Variants in COL14A1 observed in about 807,000 individuals in gnomAD.
COL14A1 encodes the protein collagen alpha-1(XIV) chain.
A neutral mutation model predicts 230.3 loss-of-function variants in COL14A1; 136 were observed. The ratio of observed to expected loss-of-function variants is 0.59; its 90% CI spans 0.51 to 0.68. The LOEUF is 0.68. COL14A1 is among the 30% of genes least tolerant of loss of function. COL14A1 has a pLI of 0.00. For missense variants in COL14A1, 1,976 were observed against 2,215.8 expected, an observed-to-expected ratio of 0.89 and a Z score of 2.17; for synonymous variants, 792 against 784.1, an observed-to-expected ratio of 1.01 and a Z score of -0.17.
intron 4 of COL14A1, among the ~76,000 whole-genome samples, chr8:120,163,159 G>A (rs1815741526): frequency 1.3e-5 from 2 of 152,162 alleles, no homozygotes; most frequent in Admixed American, 6.5e-5. Flanking sequence ...TTAATCAGTT[G>A]ACACAGGGAC....
chr8:120,245,957 T>G (rs1026850310), intron 20 of COL14A1, among the ~76,000 whole-genome samples: 1 of 152,154 alleles, frequency 6.6e-6, no homozygotes, highest in African/African-American at 2.4e-5. Flanking sequence ...CAGATCCAAA[T>G]AAACAGTCAT....
At chr8:120,225,789 T>C (rs1818076168) in intron 15 of COL14A1, among the ~76,000 whole-genome samples, 1 of 152,216 alleles carries the variant, frequency 6.6e-6, no homozygotes, top group African/African-American at 2.4e-5. Context: ...TTCTATTATT[T>C]GCTTTCTGAA....
chr8:120,203,642 C>T, intron 8 of COL14A1, 67 bp from the exon 9 acceptor site: 1 of 1,507,798 alleles, frequency 6.6e-7, no homozygotes, highest in Admixed American at 1.7e-5. Context: ...TCAGATCAGG[C>T]CCACCGCAGT....
Position 120,278,545 on chromosome 8 carries a change from G to A in COL14A1, c.3448G>A (p.Val1150Met). The A allele has an allele frequency of 1.9e-6, 3 of 1,612,950 alleles. No homozygotes were observed. Among genetic ancestry groups the A allele is most frequent in the South Asian group, 1.1e-5 (1 of 90,978 alleles). The change falls in exon 28 of 48, where the codon GTG becomes ATG. Residue 1150 changes from valine to methionine, a missense_variant. By Grantham distance (21) the Val-to-Met change is conservative (BLOSUM62 1). Around this residue, in one of 3 missense-constraint regions of COL14A1, gnomAD observed 1,791 missense variants for 2,019.5 expected, o/e 0.89. Transcript: ENST00000297848. The part of the protein sequence containing the change: ...VITDGRSQDD[V>M]NKISREMQLD... ...AACTGATGGAAGATCACAAGATGAT[G>A]TGAACAAAATCTCCAGGGAGATGCA... is the stretch of plus-strand genomic sequence containing the variant.
chr8:120,281,830 A>C (rs1185187302), intron 31 of COL14A1, among the ~76,000 whole-genome samples: 1 of 152,196 alleles, frequency 6.6e-6, no homozygotes, highest in Non-Finnish European at 1.5e-5. Flanking sequence ...TGATAGTGCT[A>C]TATGGTTCAA....
chr8:120,234,975 C>G (rs538746216), intron 19 of COL14A1, among the ~76,000 whole-genome samples: 10 of 152,226 alleles, frequency 6.6e-5, no homozygotes, highest in African/African-American at 2.4e-4. Flanking sequence ...CTATTAATTA[C>G]TGCCTCAATT....
intron 8 of COL14A1, among the ~76,000 whole-genome samples, chr8:120,200,715 T>TTTTA (rs1817211602): frequency 3.5e-5 from 3 of 85,776 alleles, no homozygotes; most frequent in South Asian, 4.4e-4. Flanking sequence ...GTTTTCCTAT[T>TTTTA]TATATATATA....
At chr8:120,282,445 A>G (rs1820068191) in intron 31 of COL14A1, among the ~76,000 whole-genome samples, 1 of 152,194 alleles carries the variant, frequency 6.6e-6, no homozygotes, top group Admixed American at 6.5e-5. Flanking sequence ...AAAATTTTCC[A>G]TCACAGGACC....
intron 39 of COL14A1, 24 bp downstream of exon 39, chr8:120,315,610 T>C: frequency 6.3e-7 from 1 of 1,597,772 alleles, no homozygotes; most frequent in Non-Finnish European, 8.6e-7. Flanking sequence ...TTTTTAAGTC[T>C]ATTGCTCTCA....
At chr8:120,313,831 T>C (rs1821120957) in intron 37 of COL14A1, 101 bp from the exon 38 acceptor site, 1 of 729,752 alleles carries the variant, frequency 1.4e-6, no homozygotes, top group South Asian at 2.1e-5. Flanking sequence ...TAAGAAAAAC[T>C]ATATAAGAAA....
chr8:120,137,170 A>G (rs1327174303), intron 1 of COL14A1, among the ~76,000 whole-genome samples: 2 of 151,892 alleles, frequency 1.3e-5, no homozygotes, highest in African/African-American at 4.8e-5. Flanking sequence ...TGGGTTTTCT[A>G]TTTCTTCATG....
intron 45 of COL14A1, among the ~76,000 whole-genome samples, chr8:120,361,179 A>T (rs192907098): frequency 1.3e-5 from 2 of 152,142 alleles, no homozygotes; most frequent in African/African-American, 4.8e-5. Context: ...CATGTTACCA[A>T]GTGTCTGTAT....
At chr8:120,225,985 G>T (rs1041105730) in intron 15 of COL14A1, among the ~76,000 whole-genome samples, 8 of 150,212 alleles carry the variant, frequency 5.3e-5, no homozygotes, top group Non-Finnish European at 1.0e-4. Context: ...AAAAAGTTGG[G>T]TTTTTATGTT....
At chr8:120,370,042 A>G (rs1258194763) in intron 47 of COL14A1, among the ~76,000 whole-genome samples, 1 of 152,228 alleles carries the variant, frequency 6.6e-6, no homozygotes, top group Non-Finnish European at 1.5e-5. Context: ...TCCTTGTCTT[A>G]TCACTAGCTA....
At chr8:120,353,987 A>T (rs1297773750) in intron 45 of COL14A1, among the ~76,000 whole-genome samples, 1 of 134,250 alleles carries the variant, frequency 7.4e-6, no homozygotes, top group Admixed American at 7.6e-5. Context: ...ACTTGGAACC[A>T]ACCCAAATGT....
chr8:120,332,170 A>G lies in COL14A1; in HGVS notation c.4689A>G (p.Gly1563=). 6.2e-7 allele frequency: 1 copy of G among 1,614,040 alleles called. No homozygotes were observed. The highest frequency in any genetic ancestry group is 8.5e-7 in the Non-Finnish European group (1 of 1,179,956). Reference sequence around the variant, plus strand: ...TTCCGGGAAAGGATGGATCCTCGGGACCTCCAGGACCACCAGGGCCAATAG... The same window carrying G: ...TTCCGGGAAAGGATGGATCCTCGGGGCCTCCAGGACCACCAGGGCCAATAG... ...RGLPGKDGSS[G]PPGPPGPIGI... The change falls in exon 41 of 48, where the codon GGA becomes GGG. Residue 1563 remains glycine, a synonymous_variant. Transcript: ENST00000297848.
chr8:120,341,344 G>A lies in COL14A1; in HGVS notation c.4805G>A (p.Gly1602Glu). 1 of 1,614,158 alleles carries A rather than the reference G, an allele frequency of 6.2e-7. No homozygotes were observed. The highest frequency in any genetic ancestry group is 8.5e-7 in the Non-Finnish European group (1 of 1,180,024). ...LGPPGVPGAKGERGERGDLQS... is the reference protein window; with the variant it reads ...LGPPGVPGAKEERGERGDLQS... ...ATACAGGGTGTCCCTGGAGCAAAGG[G>A]GGAACGAGGAGAGCGGGTAAGTATC... The change falls in exon 43 of 48, where the codon GGG (glycine) becomes GAG (glutamate). Residue 1602 changes from glycine (G) to glutamate (E), a missense_variant. This residue lies in a region of COL14A1 where 1,791 missense variants were observed against 2,019.5 expected (regional missense o/e 0.89). Coordinates refer to ENST00000297848, the MANE Select transcript of COL14A1 (RefSeq NM_021110.4).
chr8:120,181,750 C>G (rs1234581386), intron 5 of COL14A1, among the ~76,000 whole-genome samples: 1 of 152,124 alleles, frequency 6.6e-6, no homozygotes, highest in Non-Finnish European at 1.5e-5. Flanking sequence ...GCTCTCTGAG[C>G]ATTCCATAAC....
intron 38 of COL14A1, among the ~76,000 whole-genome samples, 155 bp downstream of exon 38, chr8:120,314,182 A>G (rs1228746768): frequency 2.0e-5 from 3 of 152,176 alleles, no homozygotes; most frequent in African/African-American, 4.8e-5. Context: ...GCCCTTAGCC[A>G]TTTTTGTGTC....
Sources: allele counts gnomAD v4.1 joint callset (sites outside exome capture counted in the v4.1 genomes callset), GRCh38; gene constraint gnomAD v4.1.1; regional missense constraint gnomAD v4.1.1; transcripts MANE v1.5; gene names NCBI Gene and HGNC (gene_info 2026-07-23, HGNC 2026-07-21).